Variants in DDX25 observed in about 807,000 individuals in gnomAD.
DDX25 encodes the protein ATP-dependent RNA helicase DDX25.
Under a neutral mutation model 64.6 loss-of-function variants are expected in DDX25, and 70 were observed. That is an observed-to-expected ratio of 1.08 (90% CI 0.89 to 1.32). The LOEUF (loss-of-function observed/expected upper bound fraction) is 1.32, where lower values mean the gene tolerates loss of function less well. Among genes scored for constraint, DDX25 ranks in the 40% most tolerant of loss-of-function variants. The pLI, the probability that DDX25 is intolerant of heterozygous loss-of-function variation, is 0.00. For synonymous variants in DDX25, 211 were observed against 213.3 expected (o/e 0.99, Z 0.09); for missense variants, 587 against 604.4 (o/e 0.97, Z 0.30).
chr11:125,904,852 C>G, intron 1 of DDX25: 1 of 565,272 alleles, frequency 1.8e-6, no homozygotes, highest in South Asian at 2.2e-5. Flanking sequence ...AGCTAGACCC[C>G]GAGTTTTCTA....
intron 9 of DDX25, among the ~76,000 whole-genome samples, chr11:125,917,686 TCTC>T (rs1189336881): frequency 6.6e-6 from 1 of 152,044 alleles, no homozygotes; most frequent in Non-Finnish European, 1.5e-5. Context: ...GACAGCAGGG[TCTC>T]CTCTCTCTCA....
chr11:125,904,154 T>G (rs1464950611), upstream of DDX25, among the ~76,000 whole-genome samples: 1 of 151,886 alleles, frequency 6.6e-6, no homozygotes, highest in Non-Finnish European at 1.5e-5. Flanking sequence ...CGGCGGGGAG[T>G]CCGGGGGGCT....
intron 4 of DDX25, 66 bp downstream of exon 4, chr11:125,906,275 A>G: frequency 2.7e-6 from 4 of 1,458,854 alleles, no homozygotes; most frequent in Non-Finnish European, 3.6e-6. Context: ...GCATCTGCTT[A>G]TAGTAAAAAC....
chr11:125,916,689 A>G (rs1229315057), intron 8 of DDX25, among the ~76,000 whole-genome samples: 1 of 152,246 alleles, frequency 6.6e-6, no homozygotes, highest in East Asian at 1.9e-4. Flanking sequence ...GATTATAACT[A>G]TAAAGAGCAT....
In DDX25 at chr11:125,921,088, A is replaced by G. The variant is rs981816403; in HGVS notation, c.1202-103A>G. ...TACATAAGCCCTGGTTGGATTTCTA[A>G]ATTTTCTCTATAAATAGGAATTCCC... On this transcript the variant is annotated intron_variant, in intron 10 of 11. Coordinates refer to ENST00000263576, the MANE Select transcript of DDX25 (RefSeq NM_013264.5). This position sits in a 1 kb window ranked among gnomAD's most constrained non-coding sequence, Gnocchi z 4.1. The G allele has an allele frequency of 7.9e-7, 1 of 1,262,288 alleles. No individual in the cohort carries two copies. Among genetic ancestry groups the G allele is most frequent in the Non-Finnish European group, 1.1e-6 (1 of 940,984 alleles). 78.2% of individuals were successfully genotyped at this position (1,262,288 alleles called of 1,614,324 possible).
chr11:125,921,091 TTTC>T lies in DDX25; in HGVS notation c.1202-98_1202-96del, dbSNP rs2134285446. Reference sequence around the variant, plus strand: ...ATAAGCCCTGGTTGGATTTCTAAATTTTCTCTATAAATAGGAATTCCCTTGGCA... The same window carrying T: ...ATAAGCCCTGGTTGGATTTCTAAATTTCTATAAATAGGAATTCCCTTGGCA... On this transcript the variant is annotated intron_variant, in intron 10 of 11. Coordinates refer to ENST00000263576, the MANE Select transcript of DDX25 (RefSeq NM_013264.5). This position sits in a 1 kb window ranked among gnomAD's most constrained non-coding sequence, Gnocchi z 4.1. The T allele has an allele frequency of 7.8e-7, 1 of 1,276,896 alleles. No homozygotes were observed. The highest frequency in any genetic ancestry group is 1.0e-6 in the Non-Finnish European group (1 of 953,986). 79.1% of individuals were successfully genotyped at this position (1,276,896 alleles called of 1,614,324 possible). A position where few individuals can be genotyped will look rare whatever the true frequency, so the allele number is the denominator to read the frequency against.
chr11:125,910,554 C>G, intron 7 of DDX25, 76 bp downstream of exon 7: 2 of 1,269,838 alleles, frequency 1.6e-6, no homozygotes, highest in Non-Finnish European at 2.3e-6. Context: ...TATATAACTT[C>G]TTGGCATTCT....
intron 9 of DDX25, among the ~76,000 whole-genome samples, chr11:125,917,696 C>G (rs911471735): frequency 1.3e-5 from 2 of 152,174 alleles, no homozygotes; most frequent in African/African-American, 4.8e-5. Flanking sequence ...TCTCCTCTCT[C>G]TCATTCACTC....
At chr11:125,904,609 G>A in intron 1 of DDX25, 29 bp downstream of exon 1, 1 of 1,438,854 alleles carries the variant, frequency 6.9e-7, no homozygotes, top group Non-Finnish European at 9.1e-7. Context: ...GGGGGCCACA[G>A]CCGCGGGGGT....
chr11:125,925,855 A>C lies in DDX25; in HGVS notation c.*2974A>C, dbSNP rs67987405. On this transcript the variant is annotated 3_prime_UTR_variant, in exon 12 of 12. Coordinates refer to ENST00000263576, the MANE Select transcript of DDX25 (RefSeq NM_013264.5). ...GTAGGATGTGTGACAGCCGCTTTTC[A>C]AGAGACATTATTGCTTTTGGTCATG... 10,391 of 170,002 alleles carry C rather than the reference A, an allele frequency of 0.061. 433 individuals carry two copies. The highest frequency in any genetic ancestry group is 0.16 in the East Asian group (977 of 6,026). 10.5% of individuals were successfully genotyped at this position (170,002 alleles called of 1,614,324 possible). A position where few individuals can be genotyped will look rare whatever the true frequency, so the allele number is the denominator to read the frequency against.
chr11:125,905,474 GA>G (rs1305346105), intron 2 of DDX25, 78 bp from the exon 3 acceptor site: 1 of 1,473,860 alleles, frequency 6.8e-7, no homozygotes, highest in African/African-American at 1.4e-5. Context: ...GAGTCAGGAA[GA>G]AAAAATTGAA....
In DDX25 at chr11:125,918,617, T is replaced by G; in HGVS notation, c.1039-11T>G. The stretch of plus-strand genomic sequence containing the variant: ...TTGGGGTGCTGTGTTGGGTTTTGCC[T>G]TTTTACATAGACTCGTCGAAACGCT... On this transcript the variant is annotated splice_polypyrimidine_tract_variant and intron_variant, in intron 9 of 11. Transcript: ENST00000263576. 1 of 1,610,568 alleles carries G rather than the reference T, an allele frequency of 6.2e-7. No homozygotes were observed. Among genetic ancestry groups the G allele is most frequent in the Non-Finnish European group, 8.5e-7 (1 of 1,177,494 alleles).
intron 8 of DDX25, among the ~76,000 whole-genome samples, chr11:125,915,179 AG>A (rs1351914408): frequency 6.6e-6 from 1 of 152,196 alleles, no homozygotes; most frequent in Non-Finnish European, 1.5e-5. Context: ...AATTAGATAG[AG>A]CATTTATGTT....
At chr11:125,914,960 T>A (rs1945017483) in intron 8 of DDX25, among the ~76,000 whole-genome samples, 2 of 152,130 alleles carry the variant, frequency 1.3e-5, no homozygotes, top group African/African-American at 4.8e-5. Context: ...CTAGTTTGTT[T>A]ATGACCAAAA....
At position 125,910,430 on chromosome 11, in the gene DDX25, A is replaced by G. The variant is rs775284681; in HGVS notation, c.574A>G (p.Lys192Glu). ...QTGRVVEQMG[K>E]FCVDVQVMYA... ...TGGCCGTGTGGTTGAGCAGATGGGAAAATTCTGTGTGGATGTTCAAGTGAT... is the reference window on the plus strand; with the variant it reads ...TGGCCGTGTGGTTGAGCAGATGGGAGAATTCTGTGTGGATGTTCAAGTGAT... Residue 192 changes from lysine to glutamate, a missense_variant, in exon 7 of 12, where the codon AAA (lysine) becomes GAA (glutamate). By Grantham distance (56) the Lys-to-Glu change is moderately conservative. Coordinates refer to ENST00000263576, the MANE Select transcript of DDX25 (RefSeq NM_013264.5). The G allele has an allele frequency of 1.2e-6, 2 of 1,613,882 alleles. No individual in the cohort carries two copies. Among genetic ancestry groups the G allele is most frequent in the East Asian group, 4.5e-5 (2 of 44,898 alleles).
rs375942046 is a variant in DDX25, at chr11:125,927,923, A to G, written c.*5042A>G. 5 of 152,190 alleles carry G rather than the reference A, an allele frequency of 3.3e-5. No homozygotes were observed. The highest frequency in any genetic ancestry group is 1.2e-4 in the African/African-American group (5 of 41,446). The allele number at this position is 152,190 out of a possible 1,614,324, so 9.4% of individuals were successfully genotyped here. A position where few individuals can be genotyped will look rare whatever the true frequency, so the allele number is the denominator to read the frequency against. On this transcript the variant is annotated 3_prime_UTR_variant, in exon 12 of 12. Transcript: ENST00000263576. ...CCATGTTTCCATGACCCTACACACA[A>G]TAGCTACACAGGTGGAGCAACATGA...
At position 125,921,348 on chromosome 11, in the gene DDX25, G is replaced by T; in HGVS notation, c.1359G>T (p.Leu453=). The T allele has an allele frequency of 6.2e-7, 1 of 1,613,766 alleles. No individual in the cohort carries two copies. Among genetic ancestry groups the T allele is most frequent in the Non-Finnish European group, 8.5e-7 (1 of 1,179,842 alleles). Residue 453 remains leucine (L), a synonymous_variant, in exon 11 of 12, where the codon CTG becomes CTT. Coordinates refer to ENST00000263576, the MANE Select transcript of DDX25 (RefSeq NM_013264.5). The surrounding 1 kb of genome is among the most constrained non-coding windows in gnomAD (Gnocchi z 4.1). ...LAFNMIEVDE[L]PSLMKIQDHF... Reference sequence around the variant, plus strand: ...TCAACATGATTGAAGTAGATGAGCTGCCCTCGCTCATGAAAATCCAGGACC... The same window carrying T: ...TCAACATGATTGAAGTAGATGAGCTTCCCTCGCTCATGAAAATCCAGGACC...
chr11:125,906,298 C>G (rs545101272), intron 4 of DDX25, 89 bp downstream of exon 4: 1 of 1,396,646 alleles, frequency 7.2e-7, no homozygotes, highest in African/African-American at 1.5e-5. Context: ...TCAGGATCTC[C>G]TCTTTGTTTT....
chr11:125,907,620 G>C (rs1433065139), intron 4 of DDX25, among the ~76,000 whole-genome samples: 2 of 149,602 alleles, frequency 1.3e-5, no homozygotes, highest in African/African-American at 4.9e-5. Flanking sequence ...AAAAAAAAAA[G>C]TTGAAGTGTT....
Sources: allele counts gnomAD v4.1 joint callset (sites outside exome capture counted in the v4.1 genomes callset), GRCh38; gene constraint gnomAD v4.1.1; non-coding constraint Gnocchi (gnomAD v3.1); transcripts MANE v1.5; gene names NCBI Gene and HGNC (gene_info 2026-07-23, HGNC 2026-07-21).